The following LRP1B variants were observed in gnomAD, a reference collection of about 807,000 sequenced individuals.
LRP1B encodes low-density lipoprotein receptor-related protein 1B.
A neutral mutation model predicts 556.6 loss-of-function variants in LRP1B; 217 were observed. The observed-to-expected ratio is 0.39, with a 90% CI of 0.35 to 0.44. LRP1B has a LOEUF of 0.44. Ranked by LOEUF, LRP1B falls within the 20% of genes least tolerant of loss-of-function variation. The probability of loss-of-function intolerance (pLI) is 1.00; values close to 1 mark genes in which losing one functional copy is unlikely to be tolerated. For synonymous variants in LRP1B, 2,047 were observed against 1,865.8 expected, an observed-to-expected ratio of 1.10 and a Z score of -2.50; for missense variants, 5,053 against 5,620.8, an observed-to-expected ratio of 0.90 and a Z score of 3.23.
At chr2:141,625,782 C>T (rs1229688339) in intron 2 of LRP1B, among the ~76,000 whole-genome samples, 1 of 152,046 alleles carries the variant, frequency 6.6e-6, no homozygotes, top group Admixed American at 6.6e-5. Context: ...TTATTAAGAA[C>T]ACAGTTTCCC....
chr2:141,984,476 G>A (rs1008146024), intron 1 of LRP1B, among the ~76,000 whole-genome samples: 9 of 151,948 alleles, frequency 5.9e-5, no homozygotes, highest in Non-Finnish European at 1.3e-4. Context: ...TTGTAATTCA[G>A]GCTCAAAATA....
rs1690364545 is a variant in LRP1B, at chr2:141,399,422, T to C, written c.343+80974A>G. Among the ~76,000 whole-genome samples the C allele has an allele frequency of 4.6e-5, 6 of 129,286 alleles. No homozygotes were observed. The South Asian group carries it at 1.3e-3, about 29-fold the overall frequency. 84.8% of individuals were successfully genotyped at this position (129,286 alleles called of 152,430 possible). A position where few individuals can be genotyped will look rare whatever the true frequency, so the allele number is the denominator to read the frequency against. On this transcript the variant is annotated intron_variant, in intron 3 of 90. Coordinates refer to ENST00000389484, the MANE Select transcript of LRP1B (RefSeq NM_018557.3). ...GGCAAATATACATGAAAACAAACCC[T>C]GGAAGGTTTAAAAGTCACTGTTTCC...
At chr2:141,229,472 C>T (rs1683377822) in intron 5 of LRP1B, 32 bp from the exon 6 acceptor site, 2 of 1,423,736 alleles carry the variant, frequency 1.4e-6, no homozygotes, top group Admixed American at 2.1e-5. Flanking sequence ...GAAGTAAATT[C>T]AGTAAGAGTC....
intron 3 of LRP1B, among the ~76,000 whole-genome samples, chr2:141,435,373 ATC>A (rs34430353): frequency 0.15 from 22,041 of 151,898 alleles, 1,790 homozygotes; most frequent in South Asian, 0.27. Flanking sequence ...TATCATGGCT[ATC>A]TCTATTAAAC....
At chr2:141,200,195 C>T (rs1317970050) in intron 6 of LRP1B, among the ~76,000 whole-genome samples, 1 of 152,100 alleles carries the variant, frequency 6.6e-6, no homozygotes, top group Non-Finnish European at 1.5e-5. Context: ...CACTGGTAGA[C>T]TAGATAAAGG....
chr2:142,077,582 T>A (rs1705553207), intron 1 of LRP1B, among the ~76,000 whole-genome samples: 2 of 152,144 alleles, frequency 1.3e-5, no homozygotes, highest in Admixed American at 6.6e-5. Flanking sequence ...AATATTTTCA[T>A]AAGTTTCTGT....
At position 141,247,235 on chromosome 2, in the gene LRP1B, C is replaced by T. The variant is rs1185589354; in HGVS notation, c.583G>A (p.Ala195Thr). The T allele has an allele frequency of 1.9e-6, 3 of 1,613,600 alleles. No homozygotes were observed. The highest frequency in any genetic ancestry group is 2.5e-6 in the Non-Finnish European group (3 of 1,179,720). The change falls in exon 5 of 91, where the codon GCT (alanine) becomes ACT (threonine). Residue 195 changes from alanine (A) to threonine (T), a missense_variant. Physicochemically the swap from Ala to Thr is moderately conservative, Grantham distance 58. Transcript: ENST00000389484. ...LMQPDNRSCKAKIEPTDRPPI... is the reference protein window; with the variant it reads ...LMQPDNRSCKTKIEPTDRPPI... ...AATGGTCATAACTTACCAATTTTAG[C>T]CTTGCAAGATCTGTTGTCTGGCTGC...
intron 83 of LRP1B, among the ~76,000 whole-genome samples, chr2:140,301,800 CATATAT>C (rs956071596): frequency 4.6e-5 from 7 of 150,998 alleles, no homozygotes; most frequent in Non-Finnish European, 1.0e-4. Flanking sequence ...CTGTACTTTA[CATATAT>C]AAAGTACAGA....
At chr2:141,909,526 ATTTTTTTTTT>A (rs377577096) in intron 1 of LRP1B, among the ~76,000 whole-genome samples, 2 of 93,394 alleles carry the variant, frequency 2.1e-5, no homozygotes, top group African/African-American at 9.3e-5. Flanking sequence ...GGTCTCAGAC[ATTTTTTTTTT>A]TTTTTTTTTT....
intron 7 of LRP1B, among the ~76,000 whole-genome samples, chr2:141,070,876 CAA>C (rs1192236473): frequency 1.3e-5 from 2 of 151,888 alleles, no homozygotes; most frequent in African/African-American, 4.8e-5. Flanking sequence ...GCTTACCAAC[CAA>C]AAAGAGTCCA....
chr2:141,408,973 C>T (rs1486884993), intron 3 of LRP1B, among the ~76,000 whole-genome samples: 1 of 152,120 alleles, frequency 6.6e-6, no homozygotes, highest in Admixed American at 6.6e-5. Flanking sequence ...GCAGCAAGTT[C>T]TATTACATTT....
chr2:142,007,753 T>A (rs16847915), intron 1 of LRP1B, among the ~76,000 whole-genome samples: 3,869 of 152,254 alleles, frequency 0.025, 164 homozygotes, highest in East Asian at 0.17. Context: ...AAATAGACGG[T>A]AGGACTCTGT....
chr2:140,812,216 T>A (rs1385048259), intron 32 of LRP1B, among the ~76,000 whole-genome samples: 1 of 152,116 alleles, frequency 6.6e-6, no homozygotes, highest in East Asian at 1.9e-4. Context: ...ATGCCAACTT[T>A]GACATTTCCA....
intron 1 of LRP1B, among the ~76,000 whole-genome samples, chr2:141,820,293 G>C (rs543563967): frequency 2.6e-5 from 4 of 152,046 alleles, no homozygotes; most frequent in Non-Finnish European, 4.4e-5. Context: ...AGGATAAAAT[G>C]TACTATCTTA....
At chr2:141,761,359 C>CAAAAAAAAAA (rs11355588) in intron 2 of LRP1B, among the ~76,000 whole-genome samples, 1 of 148,256 alleles carries the variant, frequency 6.7e-6, no homozygotes, top group African/African-American at 2.5e-5. Flanking sequence ...AATCCTAAGT[C>CAAAAAAAAAA]AAAAAAAAAA....
intron 43 of LRP1B, among the ~76,000 whole-genome samples, chr2:140,590,944 T>C (rs1314955430): frequency 3.3e-5 from 5 of 152,214 alleles, no homozygotes; most frequent in Admixed American, 3.3e-4. Context: ...ATGATAATTT[T>C]TAATGGATTA....
chr2:141,364,789 C>T (rs1559031253), intron 3 of LRP1B, among the ~76,000 whole-genome samples: 1 of 152,046 alleles, frequency 6.6e-6, no homozygotes, highest in Non-Finnish European at 1.5e-5. Flanking sequence ...CTGAAAATTT[C>T]TAAGAGTTTA....
chr2:141,446,887 G>A (rs1035394737), intron 3 of LRP1B, among the ~76,000 whole-genome samples: 8 of 152,076 alleles, frequency 5.3e-5, no homozygotes, highest in African/African-American at 1.9e-4. Context: ...ACAGTTATGT[G>A]TCTTGGGGTT....
rs1477944682 is a variant in LRP1B at position 140,776,111 on chromosome 2, T to C, written c.5487A>G (p.Lys1829=). 7.7e-6 allele frequency: 12 copies of C among 1,564,264 alleles called. No homozygotes were observed. In the Admixed American group the frequency reaches 8.2e-5, roughly 11 times the overall value. The change falls in exon 33 of 91, where the codon AAA becomes AAG. Residue 1829 remains lysine, a synonymous_variant. Coordinates refer to ENST00000389484, the MANE Select transcript of LRP1B (RefSeq NM_018557.3). ...AGTGTGATTTACCTTGCTGTGCTTC[T>C]TTATCATAGACTTTCATATGAACTA... ...SGVVHMKVYD[K]EAQQGSNSCQ...
Sources: gnomAD v4.1 joint callset for allele counts (sites outside exome capture counted in the v4.1 genomes callset) on GRCh38, gnomAD v4.1.1 for gene constraint, MANE v1.5 for transcripts, NCBI Gene and HGNC (gene_info 2026-07-23, HGNC 2026-07-21) for gene names.